Variants in AOPEP observed in about 807,000 individuals in gnomAD.
The protein encoded by AOPEP is aminopeptidase O.
A neutral mutation model predicts 98.1 loss-of-function variants in AOPEP; 77 were observed. The ratio of observed to expected loss-of-function variants is 0.78; its 90% CI spans 0.65 to 0.95. The LOEUF (loss-of-function observed/expected upper bound fraction) is 0.95, where lower values mean the gene tolerates loss of function less well. Among genes scored for constraint, AOPEP ranks in the 40% least tolerant of loss-of-function variants. The pLI, the probability that AOPEP is intolerant of heterozygous loss-of-function variation, is 0.00. For missense variants in AOPEP, 1,024 were observed against 1,024.7 expected, an observed-to-expected ratio of 1.00 and a Z score of 0.01; for synonymous variants, 346 against 365.3, an observed-to-expected ratio of 0.95 and a Z score of 0.60.
At chr9:95,104,640 A>G in the AOPEP span, among the ~76,000 whole-genome samples, 1 of 152,182 alleles carries the variant, frequency 6.6e-6, no homozygotes, top group Non-Finnish European at 1.5e-5. Context: ...AGATGGAAAC[A>G]TGGCATCAGG....
At chr9:94,854,236 G>A (rs2043911176) in intron 5 of AOPEP, among the ~76,000 whole-genome samples, 2 of 152,162 alleles carry the variant, frequency 1.3e-5, no homozygotes, top group African/African-American at 4.8e-5. Flanking sequence ...TGCTGACACT[G>A]TAGTTGAAAG....
chr9:94,885,495 C>T (rs2135947420), intron 5 of AOPEP, among the ~76,000 whole-genome samples: 1 of 148,372 alleles, frequency 6.7e-6, no homozygotes, highest in Non-Finnish European at 1.5e-5. Flanking sequence ...TGGAGGAATA[C>T]ACACAGGAAG....
chr9:94,966,136 G>T (rs1044213763), intron 9 of AOPEP, among the ~76,000 whole-genome samples: 1 of 148,728 alleles, frequency 6.7e-6, no homozygotes, highest in African/African-American at 2.5e-5. Flanking sequence ...TCTATTGGGA[G>T]GCTTCGGTCT....
At chr9:94,811,091 A>G (rs915806615) in intron 5 of AOPEP, among the ~76,000 whole-genome samples, 1 of 152,176 alleles carries the variant, frequency 6.6e-6, no homozygotes, top group Non-Finnish European at 1.5e-5. Flanking sequence ...TTGCACATAC[A>G]TATGTTTGAA....
chr9:95,029,273 C>T (rs1255765879), intron 13 of AOPEP, among the ~76,000 whole-genome samples: 1 of 152,198 alleles, frequency 6.6e-6, no homozygotes, highest in Non-Finnish European at 1.5e-5. Flanking sequence ...CTCAGGTGGA[C>T]ATTACTGAAT....
At chr9:94,915,943 A>G (rs1239461558) in intron 5 of AOPEP, among the ~76,000 whole-genome samples, 9 of 152,216 alleles carry the variant, frequency 5.9e-5, no homozygotes, top group Non-Finnish European at 1.0e-4. Context: ...ATTTCAAAGC[A>G]AAGCAGTCAC....
At position 94,972,918 on chromosome 9, in the gene AOPEP, G is replaced by C. The variant is rs2059618890; in HGVS notation, c.1916+5117G>C. On this transcript the variant is annotated intron_variant, in intron 10 of 16. Transcript: ENST00000375315. The surrounding 1 kb of genome is among the most constrained non-coding windows in gnomAD (Gnocchi z 4.2). ...TGCACCACTGCACGCCAGCCTGGGA[G>C]ACAGAGTGAGACCCTGTCTCAAAAA... 6.6e-6 allele frequency among the ~76,000 whole-genome samples: 1 copy of C among 151,910 alleles called. No homozygotes were observed. The highest frequency in any genetic ancestry group is 1.5e-5 in the Non-Finnish European group (1 of 67,980).
the AOPEP span, among the ~76,000 whole-genome samples, chr9:95,102,393 T>G: frequency 6.6e-6 from 1 of 152,212 alleles, no homozygotes; most frequent in African/African-American, 2.4e-5. Context: ...AGACACAGCC[T>G]CAAGGCATTC....
intron 5 of AOPEP, among the ~76,000 whole-genome samples, chr9:94,894,107 G>A (rs2049189456): frequency 6.6e-6 from 1 of 152,130 alleles, no homozygotes; most frequent in Non-Finnish European, 1.5e-5. Flanking sequence ...TCTATGGAAT[G>A]CCACCAAAAT....
At chr9:95,098,512 C>T in the AOPEP span, among the ~76,000 whole-genome samples, 9 of 152,262 alleles carry the variant, frequency 5.9e-5, no homozygotes, top group Middle Eastern at 3.4e-3. Flanking sequence ...CTCCTGACCC[C>T]GAGAGGGGCC....
chr9:94,751,504 T>C (rs1467818003), intron 1 of AOPEP, among the ~76,000 whole-genome samples: 1 of 152,218 alleles, frequency 6.6e-6, no homozygotes, highest in Admixed American at 6.5e-5. Context: ...AATGTTTTCC[T>C]TGAGGACATG....
At chr9:94,895,238 A>AT (rs887766354) in intron 5 of AOPEP, among the ~76,000 whole-genome samples, 6 of 34,452 alleles carry the variant, frequency 1.7e-4, no homozygotes, top group Admixed American at 3.1e-4. Flanking sequence ...ATAAAATAAA[A>AT]TAAAAAAAAA....
At chr9:95,076,835 T>C (rs912899451) in intron 14 of AOPEP, among the ~76,000 whole-genome samples, 12 of 152,106 alleles carry the variant, frequency 7.9e-5, no homozygotes, top group Non-Finnish European at 1.6e-4. Flanking sequence ...TGTTTTGGGG[T>C]GTGATTCATT....
At chr9:95,149,675 C>CA in the AOPEP span, among the ~76,000 whole-genome samples, 1 of 152,054 alleles carries the variant, frequency 6.6e-6, no homozygotes, top group African/African-American at 2.4e-5. Context: ...GACAGGGTTT[C>CA]ACCATGTTGG....
chr9:94,860,953 A>G (rs1379675685), intron 5 of AOPEP, among the ~76,000 whole-genome samples: 2 of 152,190 alleles, frequency 1.3e-5, no homozygotes, highest in African/African-American at 4.8e-5. Flanking sequence ...TAAACCTCTT[A>G]GGGCATCAGT....
At chr9:94,776,937 A>T in intron 3 of AOPEP, among the ~76,000 whole-genome samples, 1 of 147,108 alleles carries the variant, frequency 6.8e-6, no homozygotes. Flanking sequence ...TTTTTAGAAG[A>T]CTGGATGAAT....
At chr9:94,828,257 T>C (rs973955206) in intron 5 of AOPEP, among the ~76,000 whole-genome samples, 3 of 152,236 alleles carry the variant, frequency 2.0e-5, no homozygotes, top group African/African-American at 7.2e-5. Flanking sequence ...TTTCTTGTGC[T>C]TTTGGTGTCA....
intron 1 of AOPEP, among the ~76,000 whole-genome samples, chr9:94,758,028 G>C (rs1351257852): frequency 3.3e-5 from 5 of 152,200 alleles, no homozygotes; most frequent in Non-Finnish European, 5.9e-5. Flanking sequence ...ACTGTTCTTT[G>C]CAACCTTGTT....
rs150190720 is a variant in AOPEP at position 94,870,074 on chromosome 9, C to T, written c.1365-53912C>T. ...TGCGATCTCGGCTCACTGCAACCTC[C>T]GCCTCCTGGGTTCAAGCGATTCTCC... is the stretch of plus-strand genomic sequence containing the variant. On this transcript the variant is annotated intron_variant, in intron 5 of 16. Coordinates refer to ENST00000375315, the MANE Select transcript of AOPEP (RefSeq NM_001193329.3). Among the ~76,000 whole-genome samples, 663 of 147,840 alleles carry T rather than the reference C, an allele frequency of 4.5e-3. 6 individuals are homozygous for T. Among genetic ancestry groups the T allele is most frequent in the African/African-American group, 0.016 (625 of 39,876 alleles).
Sources: allele counts gnomAD v4.1 joint callset (sites outside exome capture counted in the v4.1 genomes callset), GRCh38; gene constraint gnomAD v4.1.1; non-coding constraint Gnocchi (gnomAD v3.1); transcripts MANE v1.5; gene names NCBI Gene and HGNC (gene_info 2026-07-23, HGNC 2026-07-21).